The following UBP1 variants were observed in gnomAD, a reference collection of about 807,000 sequenced individuals.
UBP1 encodes upstream binding protein 1.
UBP1 carries 22 observed loss-of-function variants against 76.1 expected under a neutral mutation model. That is an observed-to-expected ratio of 0.29 (90% CI 0.21 to 0.41). UBP1 has a LOEUF of 0.41. Among genes scored for constraint, UBP1 ranks in the 10% least tolerant of loss-of-function variants. UBP1 has a pLI of 1.00. For missense variants in UBP1, 436 were observed against 668.1 expected, an observed-to-expected ratio of 0.65 and a Z score of 3.83; for synonymous variants, 224 against 237.1, an observed-to-expected ratio of 0.94 and a Z score of 0.51.
chr3:33,421,912 C>T (rs1166311226), intron 2 of UBP1, among the ~76,000 whole-genome samples: 1 of 152,070 alleles, frequency 6.6e-6, no homozygotes, highest in African/African-American at 2.4e-5. Flanking sequence ...CACATGGTGG[C>T]ATGTGCCCAT....
At chr3:33,407,539 AATTT>A (rs2044460169) in intron 8 of UBP1, among the ~76,000 whole-genome samples, 1 of 147,294 alleles carries the variant, frequency 6.8e-6, no homozygotes, top group Non-Finnish European at 1.5e-5. Context: ...CTTTGATTCG[AATTT>A]ATTTAAAAAA....
intron 1 of UBP1, among the ~76,000 whole-genome samples, chr3:33,438,255 T>C (rs918793011): frequency 3.3e-5 from 5 of 152,180 alleles, no homozygotes; most frequent in African/African-American, 4.8e-5. Flanking sequence ...TCAAAATAGC[T>C]ATCAATAAGT....
At position 33,439,723 on chromosome 3, in the gene UBP1, G is replaced by A. The variant is rs373379762; in HGVS notation, c.113+13C>T. ...GGAGACAGAGGCTTCTCCCCGCCCA[G>A]GGAGCCCAGTACCTCATGCTGTAAG... On this transcript the variant is annotated intron_variant, in intron 1 of 15. Coordinates refer to ENST00000283629, the MANE Select transcript of UBP1 (RefSeq NM_014517.5). 1 of 1,609,870 alleles carries A rather than the reference G, an allele frequency of 6.2e-7. No homozygotes were observed. Among genetic ancestry groups the A allele is most frequent in the Admixed American group, 1.7e-5 (1 of 59,608 alleles).
chr3:33,421,755 A>C (rs557418122), intron 2 of UBP1, among the ~76,000 whole-genome samples: 2 of 152,222 alleles, frequency 1.3e-5, no homozygotes, highest in African/African-American at 4.8e-5. Flanking sequence ...CTTCATCAAG[A>C]ATGACCATTT....
intron 8 of UBP1, among the ~76,000 whole-genome samples, chr3:33,404,542 G>A (rs1223961968): frequency 6.6e-6 from 1 of 151,638 alleles, no homozygotes; most frequent in African/African-American, 2.4e-5. Context: ...AGCTACTTGG[G>A]AGTCTGAGAC....
chr3:33,438,027 G>A (rs560934129), intron 1 of UBP1, among the ~76,000 whole-genome samples: 3 of 152,240 alleles, frequency 2.0e-5, no homozygotes, highest in African/African-American at 4.8e-5. Context: ...GAATTCAAGG[G>A]AAAATTATCC....
chr3:33,420,746 C>T (rs892361875), intron 2 of UBP1, among the ~76,000 whole-genome samples: 2 of 152,166 alleles, frequency 1.3e-5, no homozygotes, highest in African/African-American at 4.8e-5. Context: ...CTCTGCCTCC[C>T]AAAGTGCTGG....
intron 1 of UBP1, among the ~76,000 whole-genome samples, chr3:33,439,308 T>G (rs2045249881): frequency 6.6e-6 from 1 of 152,244 alleles, no homozygotes; most frequent in Admixed American, 6.5e-5. Context: ...AAGATCATAA[T>G]GTAGGACAAC....
At chr3:33,419,279 G>A (rs541833205) in intron 2 of UBP1, among the ~76,000 whole-genome samples, 3 of 152,230 alleles carry the variant, frequency 2.0e-5, no homozygotes, top group African/African-American at 7.2e-5. Context: ...CAGATTACTT[G>A]AGGTCAGGAG....
intron 2 of UBP1, among the ~76,000 whole-genome samples, chr3:33,418,376 T>G (rs2044785648): frequency 6.6e-6 from 1 of 152,010 alleles, no homozygotes; most frequent in Non-Finnish European, 1.5e-5. Context: ...TGCCTTGGAC[T>G]CCTGAGTACC....
At position 33,390,175 on chromosome 3, in the gene UBP1, C is replaced by T; in HGVS notation, c.*156G>A. 6 of 694,332 alleles carry T rather than the reference C, an allele frequency of 8.6e-6. No homozygotes were observed. Among genetic ancestry groups the T allele is most frequent in the Non-Finnish European group, 2.4e-6 (1 of 414,822 alleles). The allele number at this position is 694,332 out of a possible 1,614,324, so 43.0% of individuals were successfully genotyped here. On this transcript the variant is annotated 3_prime_UTR_variant, in exon 16 of 16. Coordinates refer to ENST00000283629, the MANE Select transcript of UBP1 (RefSeq NM_014517.5). The stretch of plus-strand genomic sequence containing the variant: ...CTATGGCAGTGACAGTGAGGAGATT[C>T]ACCTCTCATACAGCTCATTAGAAAG...
intron 1 of UBP1, among the ~76,000 whole-genome samples, chr3:33,434,878 G>C (rs1156720310): frequency 6.6e-6 from 1 of 151,916 alleles, no homozygotes; most frequent in Admixed American, 6.6e-5. Context: ...GTAGAGACGG[G>C]GTTTCACCAC....
intron 11 of UBP1, among the ~76,000 whole-genome samples, chr3:33,399,088 C>G (rs2044122580): frequency 6.6e-6 from 1 of 152,212 alleles, no homozygotes; most frequent in Non-Finnish European, 1.5e-5. Flanking sequence ...TGAGTGTGTG[C>G]ACACACAAGT....
chr3:33,393,503 T>C, intron 13 of UBP1, 49 bp from the exon 14 acceptor site: 3 of 1,561,052 alleles, frequency 1.9e-6, no homozygotes, highest in Non-Finnish European at 2.6e-6. Context: ...TAATCTTTGA[T>C]CTGTTTTCTG....
At position 33,439,929 on chromosome 3, in the gene UBP1, G is replaced by C. The variant is rs1312861759; in HGVS notation, c.-81C>G. The stretch of plus-strand genomic sequence containing the variant: ...GCCGGAGCTCCGCTGGCGCGTCCTG[G>C]GGGAGGGCGCGGGTGAAGCCTCCGG... On this transcript the variant is annotated 5_prime_UTR_variant, in exon 1 of 16. Transcript: ENST00000283629. 19 of 1,511,240 alleles carry C rather than the reference G, an allele frequency of 1.3e-5. No homozygotes were observed. The African/African-American group carries it at 2.3e-4, about 18-fold the overall frequency. The allele number at this position is 1,511,240 out of a possible 1,614,324, so 93.6% of individuals were successfully genotyped here.
At chr3:33,412,404 T>C (rs1009771874) in intron 4 of UBP1, among the ~76,000 whole-genome samples, 3 of 151,562 alleles carry the variant, frequency 2.0e-5, no homozygotes, top group African/African-American at 7.3e-5. Flanking sequence ...CGTATGTATA[T>C]ATAGAAAACA....
chr3:33,401,032 A>G lies in UBP1; in HGVS notation c.1032-16T>C. 1.3e-6 allele frequency: 2 copies of G among 1,584,804 alleles called. No homozygotes were observed. The highest frequency in any genetic ancestry group is 1.7e-6 in the Non-Finnish European group (2 of 1,168,966). On this transcript the variant is annotated splice_polypyrimidine_tract_variant and intron_variant, in intron 9 of 15. Transcript: ENST00000283629. ...AGAAGAATTGCTGGGGAGAAAGGAG[A>G]AAGAAGGAAATGATGATTTTTATAA...
intron 15 of UBP1, chr3:33,391,570 A>C (rs2043765700): frequency 6.6e-6 from 1 of 151,824 alleles, no homozygotes; most frequent in Non-Finnish European, 1.5e-5. Context: ...CCAAAATCAA[A>C]CTCTTGGTTG....
chr3:33,425,999 AT>A (rs1382128414), intron 1 of UBP1, among the ~76,000 whole-genome samples: 1,482 of 34,168 alleles, frequency 0.043, 73 homozygotes, highest in African/African-American at 0.14. Context: ...AGCTCTGAAT[AT>A]ATATATATAT....
Sources: gnomAD v4.1 joint callset for allele counts (sites outside exome capture counted in the v4.1 genomes callset) on GRCh38, gnomAD v4.1.1 for gene constraint, MANE v1.5 for transcripts, NCBI Gene and HGNC (gene_info 2026-07-23, HGNC 2026-07-21) for gene names.